DNAI7: variants seen among roughly 807,000 people sequenced by gnomAD.
DNAI7 encodes cancer susceptibility 1.
In DNAI7, 78 loss-of-function variants were observed where a neutral mutation model predicts 86.6. The observed-to-expected ratio is 0.90, with a 90% CI of 0.75 to 1.09. The LOEUF is 1.09. Ranked by LOEUF, DNAI7 falls within the 50% of genes least tolerant of loss-of-function variation. The probability of loss-of-function intolerance (pLI) is 0.00; values close to 1 mark genes in which losing one functional copy is unlikely to be tolerated. For missense variants in DNAI7, 753 were observed against 810.2 expected, an observed-to-expected ratio of 0.93 and a Z score of 0.86; for synonymous variants, 274 against 273.0, an observed-to-expected ratio of 1.00 and a Z score of -0.04.
Position 25,158,071 on chromosome 12 carries a change from T to C in DNAI7, c.198+401A>G, listed in dbSNP as rs138538482. ...GGTGAAACCCTATCTCTACTAAAAG[T>C]ACAAAAAATTAGCCGGGTGTGGTGG... On this transcript the variant is annotated intron_variant, in intron 4 of 15. Coordinates refer to ENST00000395987, the MANE Select transcript of DNAI7 (RefSeq NM_018272.5). 3.6e-3 allele frequency among the ~76,000 whole-genome samples: 545 copies of C among 151,910 alleles called. 4 individuals are homozygous for C. The highest frequency in any genetic ancestry group is 0.012 in the African/African-American group (503 of 41,426).
At chr12:25,149,575 A>G in intron 7 of DNAI7, 53 bp downstream of exon 7, 1 of 1,281,118 alleles carries the variant, frequency 7.8e-7, no homozygotes, top group East Asian at 2.4e-5. Flanking sequence ...ATTTTATAAC[A>G]TAAAATGTTA....
intron 9 of DNAI7, among the ~76,000 whole-genome samples, chr12:25,129,314 T>C (rs1425436178): frequency 6.6e-6 from 1 of 152,214 alleles, no homozygotes; most frequent in African/African-American, 2.4e-5. Flanking sequence ...CTAACTTGTA[T>C]GTAAATTATG....
In DNAI7 at chr12:25,108,519, A is replaced by C. The variant is rs1565602319; in HGVS notation, c.*29T>G. On this transcript the variant is annotated 3_prime_UTR_variant, in exon 16 of 16. Transcript: ENST00000395987. ...TGTCTTTCACCATGCTTGGTTCTTCATACTTACAATACAGTTTGTAAGTGG... is the reference window on the plus strand; with the variant it reads ...TGTCTTTCACCATGCTTGGTTCTTCCTACTTACAATACAGTTTGTAAGTGG... 1.3e-6 allele frequency: 2 copies of C among 1,578,158 alleles called. No homozygotes were observed. The highest frequency in any genetic ancestry group is 2.3e-5 in the South Asian group (2 of 86,750).
chr12:25,188,099 A>C (rs1247128611), intron 2 of DNAI7, among the ~76,000 whole-genome samples: 2 of 152,252 alleles, frequency 1.3e-5, no homozygotes, highest in African/African-American at 4.8e-5. Context: ...GATAGAAGCA[A>C]ACATCTTCTG....
At chr12:25,139,361 C>T (rs749775026) in intron 9 of DNAI7, among the ~76,000 whole-genome samples, 4 of 152,062 alleles carry the variant, frequency 2.6e-5, no homozygotes, top group Non-Finnish European at 1.5e-5. Context: ...AATCGTTCCA[C>T]GGAGCCAGTA....
At chr12:25,190,925 G>A (rs1950458499) in intron 1 of DNAI7, among the ~76,000 whole-genome samples, 1 of 152,162 alleles carries the variant, frequency 6.6e-6, no homozygotes, top group South Asian at 2.1e-4. Flanking sequence ...AATGATCCAT[G>A]TTTAATGAAA....
chr12:25,180,586 T>C (rs1333555145), intron 2 of DNAI7, among the ~76,000 whole-genome samples: 1 of 151,980 alleles, frequency 6.6e-6, no homozygotes, highest in Non-Finnish European at 1.5e-5. Context: ...GGTATAAAAA[T>C]AGATCAATGG....
At chr12:25,111,314 A>G (rs911375727) in intron 14 of DNAI7, among the ~76,000 whole-genome samples, 6 of 152,224 alleles carry the variant, frequency 3.9e-5, no homozygotes, top group Non-Finnish European at 7.3e-5. Flanking sequence ...ACTGAACTAA[A>G]GCCTTATGAC....
rs529114601 is a variant in DNAI7 at position 25,112,487 on chromosome 12, A to G, written c.1612-548T>C. ...AGTGGTGTGATCTTGGCTCACTGCA[A>G]GCTCTGCCTCCCAGGTTCACACCAT... On this transcript the variant is annotated intron_variant, in intron 13 of 15. Coordinates refer to ENST00000395987, the MANE Select transcript of DNAI7 (RefSeq NM_018272.5). Among the ~76,000 whole-genome samples, 9 of 145,192 alleles carry G rather than the reference A, an allele frequency of 6.2e-5. No homozygotes were observed. The East Asian group carries it at 1.2e-3, about 19-fold the overall frequency.
chr12:25,128,099 T>G (rs1942392360), intron 9 of DNAI7, among the ~76,000 whole-genome samples: 1 of 152,188 alleles, frequency 6.6e-6, no homozygotes, highest in Non-Finnish European at 1.5e-5. Context: ...CAACAATTAT[T>G]AATGAAGTAA....
At chr12:25,179,370 A>G (rs1375615928) in intron 2 of DNAI7, among the ~76,000 whole-genome samples, 1 of 152,162 alleles carries the variant, frequency 6.6e-6, no homozygotes, top group African/African-American at 2.4e-5. Flanking sequence ...TGTTTAATTC[A>G]TTAGGTTTGT....
At chr12:25,176,194 A>G (rs770313245) in intron 2 of DNAI7, among the ~76,000 whole-genome samples, 1 of 152,208 alleles carries the variant, frequency 6.6e-6, no homozygotes, top group Non-Finnish European at 1.5e-5. Context: ...ATTTGAGTTC[A>G]TATTTCCACG....
intron 9 of DNAI7, among the ~76,000 whole-genome samples, chr12:25,142,822 AT>A (rs564039169): frequency 3.6e-4 from 55 of 151,850 alleles, no homozygotes; most frequent in Non-Finnish European, 6.3e-4. Flanking sequence ...TACCCATTCT[AT>A]TTTTTTCCCC....
chr12:25,190,294 T>C (rs188968121), intron 2 of DNAI7, among the ~76,000 whole-genome samples: 1 of 152,230 alleles, frequency 6.6e-6, no homozygotes, highest in East Asian at 1.9e-4. Flanking sequence ...TATATGTATC[T>C]AGAGTGAAGA....
intron 8 of DNAI7, 95 bp from the exon 9 acceptor site, chr12:25,144,772 A>G (rs1343294757): frequency 1.0e-6 from 1 of 984,436 alleles, no homozygotes; most frequent in Non-Finnish European, 1.5e-6. Flanking sequence ...TCTTCACTTT[A>G]ATTTTGCTCC....
intron 9 of DNAI7, among the ~76,000 whole-genome samples, chr12:25,139,591 C>T (rs1943950110): frequency 6.6e-6 from 1 of 152,178 alleles, no homozygotes; most frequent in African/African-American, 2.4e-5. Flanking sequence ...AGCAAACTAA[C>T]ACAAGAACAG....
intron 2 of DNAI7, among the ~76,000 whole-genome samples, chr12:25,169,724 C>T (rs1024220253): frequency 2.0e-5 from 3 of 151,468 alleles, no homozygotes; most frequent in African/African-American, 7.3e-5. Flanking sequence ...GGCATGCACC[C>T]GTGATCCCAG....
Position 25,147,114 on chromosome 12 carries a change from A to C in DNAI7, c.586-10T>G. ...CCAAAGTACTAGCTTGCTGTAAGAG[A>C]AAAAGAAAACATTATAAAGGGCCAC... On this transcript the variant is annotated splice_polypyrimidine_tract_variant and intron_variant, in intron 7 of 15. Coordinates refer to ENST00000395987, the MANE Select transcript of DNAI7 (RefSeq NM_018272.5). 1 of 1,443,218 alleles carries C rather than the reference A, an allele frequency of 6.9e-7. No homozygotes were observed. The highest frequency in any genetic ancestry group is 9.7e-7 in the Non-Finnish European group (1 of 1,028,624). The allele number at this position is 1,443,218 out of a possible 1,614,324, so 89.4% of individuals were successfully genotyped here.
chr12:25,188,688 A>G (rs1253166323), intron 2 of DNAI7, among the ~76,000 whole-genome samples: 1 of 112,480 alleles, frequency 8.9e-6, no homozygotes, highest in African/African-American at 2.9e-5. Flanking sequence ...AAAAAAAAAA[A>G]AAAAAAAAGT....
Sources: gnomAD v4.1 joint callset for allele counts (sites outside exome capture counted in the v4.1 genomes callset) on GRCh38, gnomAD v4.1.1 for gene constraint, MANE v1.5 for transcripts, NCBI Gene and HGNC (gene_info 2026-07-23, HGNC 2026-07-21) for gene names.